NEMP2: variants seen among roughly 807,000 people sequenced by gnomAD.
The protein encoded by NEMP2 is nuclear envelope integral membrane protein 2.
In NEMP2, 53 loss-of-function variants were observed where a neutral mutation model predicts 54.2. The ratio of observed to expected loss-of-function variants is 0.98; its 90% CI spans 0.78 to 1.23. The LOEUF (loss-of-function observed/expected upper bound fraction) is 1.23. Among genes scored for constraint, NEMP2 ranks in the 50% most tolerant of loss-of-function variants. NEMP2 has a pLI of 0.00. For missense variants in NEMP2, 455 were observed against 511.3 expected, an observed-to-expected ratio of 0.89 and a Z score of 1.06; for synonymous variants, 197 against 190.3, an observed-to-expected ratio of 1.04 and a Z score of -0.29.
the NEMP2 span, among the ~76,000 whole-genome samples, chr2:190,638,523 C>G: frequency 6.6e-6 from 1 of 152,172 alleles, no homozygotes; most frequent in Admixed American, 6.5e-5. The surrounding 1 kb of genome is among the most constrained non-coding windows in gnomAD (Gnocchi z 5.7). Context: ...CGAACCTTGA[C>G]TGCTGGGCAA....
At chr2:190,616,932 C>A in the NEMP2 span, 1 of 151,572 alleles carries the variant, frequency 6.6e-6, no homozygotes, top group South Asian at 2.1e-4. The surrounding 1 kb of genome is among the most constrained non-coding windows in gnomAD (Gnocchi z 5.1). Flanking sequence ...AACAGAGCAA[C>A]ATAACATCTC....
chr2:190,429,315 T>C, the NEMP2 span, among the ~76,000 whole-genome samples: 10 of 152,104 alleles, frequency 6.6e-5, no homozygotes, highest in African/African-American at 2.4e-4. Context: ...TAATGGTAGC[T>C]TATGAACAGA....
chr2:190,492,745 A>T, the NEMP2 span, among the ~76,000 whole-genome samples: 1 of 151,198 alleles, frequency 6.6e-6, no homozygotes, highest in Non-Finnish European at 1.5e-5. The surrounding 1 kb of genome is among the most constrained non-coding windows in gnomAD (Gnocchi z 5.2). Flanking sequence ...AGACAAACAA[A>T]TGCTGAGAGA....
chr2:190,590,695 CA>C, the NEMP2 span, among the ~76,000 whole-genome samples: 5 of 152,148 alleles, frequency 3.3e-5, no homozygotes, highest in Non-Finnish European at 7.4e-5. The surrounding 1 kb of genome is among the most constrained non-coding windows in gnomAD (Gnocchi z 5.1). Context: ...GGACTCTGCC[CA>C]AATATTCCTG....
At chr2:190,447,572 C>T in the NEMP2 span, among the ~76,000 whole-genome samples, 1 of 152,186 alleles carries the variant, frequency 6.6e-6, no homozygotes, top group African/African-American at 2.4e-5. This position sits in a 1 kb window ranked among gnomAD's most constrained non-coding sequence, Gnocchi z 4.5. Flanking sequence ...TGCTTATATA[C>T]TTCTTAGTGC....
downstream of NEMP2, chr2:190,501,208 A>G (rs917964694): frequency 8.5e-5 from 13 of 152,238 alleles, no homozygotes; most frequent in East Asian, 2.5e-3. Context: ...ATTTTTAGAA[A>G]TTACATATTG....
chr2:190,561,051 G>A, the NEMP2 span, among the ~76,000 whole-genome samples: 9 of 152,222 alleles, frequency 5.9e-5, no homozygotes, highest in Middle Eastern at 3.4e-3. The surrounding 1 kb of genome is among the most constrained non-coding windows in gnomAD (Gnocchi z 5.4). Flanking sequence ...CTTCTTCCTC[G>A]AGGACTAGGA....
the NEMP2 span, among the ~76,000 whole-genome samples, chr2:190,586,972 G>A: frequency 2.0e-5 from 3 of 152,182 alleles, no homozygotes; most frequent in South Asian, 6.2e-4. This position sits in a 1 kb window ranked among gnomAD's most constrained non-coding sequence, Gnocchi z 4.5. Flanking sequence ...TCTTGTGGAA[G>A]GTTGAAAATT....
the NEMP2 span, among the ~76,000 whole-genome samples, chr2:190,490,959 TTCTC>T: frequency 1.3e-5 from 2 of 152,232 alleles, no homozygotes; most frequent in Non-Finnish European, 2.9e-5. The surrounding 1 kb of genome is among the most constrained non-coding windows in gnomAD (Gnocchi z 4.5). Context: ...CCTAAATGGA[TTCTC>T]TCTCTTACAC....
At chr2:190,540,149 G>A in the NEMP2 span, among the ~76,000 whole-genome samples, 27 of 152,134 alleles carry the variant, frequency 1.8e-4, no homozygotes, top group African/African-American at 6.5e-4. Context: ...TTTATTGAAT[G>A]TTTTTCCAGC....
chr2:190,475,790 C>T, the NEMP2 span, among the ~76,000 whole-genome samples: 2 of 152,194 alleles, frequency 1.3e-5, no homozygotes, highest in African/African-American at 4.8e-5. Context: ...CTGGAGGCAT[C>T]ACACTACCTG....
At chr2:190,469,786 A>G in the NEMP2 span, 2 of 1,606,850 alleles carry the variant, frequency 1.2e-6, no homozygotes, top group Non-Finnish European at 1.7e-6. This position sits in a 1 kb window ranked among gnomAD's most constrained non-coding sequence, Gnocchi z 5.3. Context: ...GGCCTGCAAT[A>G]CGGCTCGCTA....
At chr2:190,431,284 C>T in the NEMP2 span, among the ~76,000 whole-genome samples, 1 of 152,134 alleles carries the variant, frequency 6.6e-6, no homozygotes, top group Non-Finnish European at 1.5e-5. The surrounding 1 kb of genome is among the most constrained non-coding windows in gnomAD (Gnocchi z 4.4). Context: ...AGAGACGCTC[C>T]TCACTTCCCA....
At chr2:190,604,130 G>A in the NEMP2 span, among the ~76,000 whole-genome samples, 2 of 152,194 alleles carry the variant, frequency 1.3e-5, no homozygotes, top group African/African-American at 4.8e-5. The surrounding 1 kb of genome is among the most constrained non-coding windows in gnomAD (Gnocchi z 4.5). Context: ...TGGTCTACGT[G>A]TCCATCGATA....
chr2:190,486,724 ATCTT>A, the NEMP2 span, among the ~76,000 whole-genome samples: 1 of 152,160 alleles, frequency 6.6e-6, no homozygotes, highest in Non-Finnish European at 1.5e-5. Flanking sequence ...AAGAATTTTG[ATCTT>A]TTAGTTTAAT....
the NEMP2 span, chr2:190,610,580 G>A: frequency 6.6e-6 from 1 of 152,184 alleles, no homozygotes; most frequent in African/African-American, 2.4e-5. The surrounding 1 kb of genome is among the most constrained non-coding windows in gnomAD (Gnocchi z 5.4). Flanking sequence ...TCCAGTCAAA[G>A]CCCTTGGTAA....
the NEMP2 span, among the ~76,000 whole-genome samples, chr2:190,597,098 CA>C: frequency 4.0e-5 from 6 of 151,826 alleles, no homozygotes; most frequent in Non-Finnish European, 7.4e-5. The surrounding 1 kb of genome is among the most constrained non-coding windows in gnomAD (Gnocchi z 4.7). Context: ...CCCACCTCTA[CA>C]AAAAAATTTT....
At chr2:190,627,570 T>G in the NEMP2 span, among the ~76,000 whole-genome samples, 3 of 150,200 alleles carry the variant, frequency 2.0e-5, no homozygotes, top group Admixed American at 2.0e-4. This position sits in a 1 kb window ranked among gnomAD's most constrained non-coding sequence, Gnocchi z 4.4. Flanking sequence ...TACTTCATTG[T>G]TTTTCCTTTA....
the NEMP2 span, among the ~76,000 whole-genome samples, chr2:190,599,922 A>T: frequency 6.6e-6 from 1 of 152,156 alleles, no homozygotes; most frequent in African/African-American, 2.4e-5. Flanking sequence ...GGCAAGAGTC[A>T]GATCCAATGA....
Sources: gnomAD v4.1 joint callset for allele counts (sites outside exome capture counted in the v4.1 genomes callset) on GRCh38, gnomAD v4.1.1 for gene constraint, Gnocchi (gnomAD v3.1) non-coding constraint, MANE v1.5 for transcripts, NCBI Gene and HGNC (gene_info 2026-07-23, HGNC 2026-07-21) for gene names.